The following AACS variants were observed in gnomAD, a reference collection of about 807,000 sequenced individuals.
The protein encoded by AACS is acetoacetate-CoA ligase.
In AACS, 69 loss-of-function variants were observed where a neutral mutation model predicts 83.1. That is an observed-to-expected ratio of 0.83 (90% CI 0.68 to 1.01). AACS has a LOEUF of 1.01. Ranked by LOEUF, AACS falls within the 50% of genes least tolerant of loss-of-function variation. The pLI, the probability that AACS is intolerant of heterozygous loss-of-function variation, is 0.00. For missense variants in AACS, 866 were observed against 882.2 expected, an observed-to-expected ratio of 0.98 and a Z score of 0.23; for synonymous variants, 333 against 343.4, an observed-to-expected ratio of 0.97 and a Z score of 0.33.
At position 125,114,525 on chromosome 12, in the gene AACS, A is replaced by G. The variant is rs151033668; in HGVS notation, c.964A>G (p.Thr322Ala). The G allele has an allele frequency of 1.3e-4, 217 of 1,613,460 alleles. No individual in the cohort carries two copies. In the African/African-American group the frequency reaches 2.6e-3, roughly 19 times the overall value. ...GGAGCACCTGCTGCACGGCAACATG[A>G]CCAGCAGTGACATCCTCCTGTGCTA... ...LKEHLLHGNM[T>A]SSDILLCYTT... Residue 322 changes from threonine to alanine, a missense_variant, in exon 9 of 18, where the codon ACC (threonine) becomes GCC (alanine). By Grantham distance (58) the Thr-to-Ala change is moderately conservative (BLOSUM62 0). Coordinates refer to ENST00000316519, the MANE Select transcript of AACS (RefSeq NM_023928.5).
chr12:125,118,279 T>C (rs577218851), intron 9 of AACS: 2 of 231,706 alleles, frequency 8.6e-6, no homozygotes, highest in East Asian at 2.9e-4. Context: ...CTGCTGGGGG[T>C]CAGGTGCTGT....
At position 125,116,745 on chromosome 12, in the gene AACS, A is replaced by G. The variant is rs369639319; in HGVS notation, c.997-1896A>G. Reference sequence around the variant, plus strand: ...CTCCCAAAGTGCTGGGATTACAGGCATGAGCCACCGCGCCCGGCCTCCCGA... The same window carrying G: ...CTCCCAAAGTGCTGGGATTACAGGCGTGAGCCACCGCGCCCGGCCTCCCGA... On this transcript the variant is annotated intron_variant, in intron 9 of 17. Transcript: ENST00000316519. Among the ~76,000 whole-genome samples the G allele has an allele frequency of 2.2e-4, 33 of 152,136 alleles. 1 individual carries two copies. The highest frequency in any genetic ancestry group is 7.9e-4 in the African/African-American group (33 of 41,518).
intron 3 of AACS, among the ~76,000 whole-genome samples, chr12:125,083,745 C>T (rs1792978718): frequency 6.6e-6 from 1 of 152,072 alleles, no homozygotes; most frequent in Non-Finnish European, 1.5e-5. Context: ...CCTCCGTCTC[C>T]TGGGTTCAAG....
intron 1 of AACS, among the ~76,000 whole-genome samples, chr12:125,067,497 C>T (rs1341810166): frequency 1.3e-5 from 2 of 151,962 alleles, no homozygotes; most frequent in Non-Finnish European, 2.9e-5. Context: ...CACCTTCCTC[C>T]GTGGGAAGTG....
At chr12:125,134,472 G>A (rs534085416) in intron 15 of AACS, among the ~76,000 whole-genome samples, 1 of 152,316 alleles carries the variant, frequency 6.6e-6, no homozygotes, top group South Asian at 2.1e-4. Flanking sequence ...TCCCTGCCCT[G>A]TGATGGGGTT....
chr12:125,133,121 T>G (rs1957350180), intron 14 of AACS, among the ~76,000 whole-genome samples: 1 of 152,230 alleles, frequency 6.6e-6, no homozygotes, highest in Non-Finnish European at 1.5e-5. Context: ...GATGCGCTTT[T>G]GATTACGGCC....
intron 14 of AACS, among the ~76,000 whole-genome samples, chr12:125,133,182 G>A (rs1957351029): frequency 6.6e-6 from 1 of 152,214 alleles, no homozygotes; most frequent in East Asian, 1.9e-4. Context: ...GGTGTCAGCA[G>A]GAGGAGGCCC....
chr12:125,136,544 A>T, intron 16 of AACS, 118 bp from the exon 17 acceptor site: 1 of 730,532 alleles, frequency 1.4e-6, no homozygotes, highest in South Asian at 1.8e-5. Flanking sequence ...GAACACAGGC[A>T]CCGCTGGAAG....
chr12:125,075,590 C>G (rs12317116), intron 2 of AACS, among the ~76,000 whole-genome samples: 2,985 of 147,444 alleles, frequency 0.02, 96 homozygotes, highest in African/African-American at 0.07. Flanking sequence ...CTGTGCCCAG[C>G]TGGAGTTTTT....
intron 1 of AACS, among the ~76,000 whole-genome samples, chr12:125,071,098 C>T (rs1287791773): frequency 1.3e-5 from 2 of 152,168 alleles, no homozygotes; most frequent in Admixed American, 1.3e-4. Flanking sequence ...CGCACCCGTC[C>T]CCAAGAGCTC....
chr12:125,127,948 G>A (rs912651776), intron 12 of AACS: 6 of 400,342 alleles, frequency 1.5e-5, no homozygotes, highest in South Asian at 1.3e-4. Flanking sequence ...CGGCTAAAAC[G>A]TCAATCACCA....
In AACS at chr12:125,094,246, A is replaced by G. The variant is rs893433064; in HGVS notation, c.570+2723A>G. ...TTAATTTCCATCATCACCATGTTAA[A>G]CTTCAGACTGTGCCCCATTTTCAGT... On this transcript the variant is annotated intron_variant, in intron 5 of 17. Transcript: ENST00000316519. This position sits in a 1 kb window ranked among gnomAD's most constrained non-coding sequence, Gnocchi z 4.1. Among the ~76,000 whole-genome samples the G allele has an allele frequency of 6.6e-6, 1 of 152,214 alleles. No homozygotes were observed. The highest frequency in any genetic ancestry group is 1.5e-5 in the Non-Finnish European group (1 of 68,040).
At position 125,091,517 on chromosome 12, in the gene AACS, T is replaced by C. The variant is rs753524355; in HGVS notation, c.564T>C (p.Gly188=). 6.8e-6 allele frequency: 11 copies of C among 1,614,008 alleles called. No individual in the cohort carries two copies. The highest frequency in any genetic ancestry group is 3.3e-5 in the Admixed American group (2 of 60,000). ...GGAGCTCCACGTCCCCGGACTTCGG[T>C]GTGAATGTGAGTCAGGGTCTGTGAC... ...AIWSSTSPDF[G]VNGVLDRFSQ... Residue 188 remains glycine (G), a synonymous_variant, in exon 5 of 18, where the codon GGT becomes GGC. Transcript: ENST00000316519.
intron 1 of AACS, among the ~76,000 whole-genome samples, chr12:125,068,330 G>A (rs1282909139): frequency 1.3e-5 from 2 of 152,138 alleles, no homozygotes; most frequent in African/African-American, 4.8e-5. Flanking sequence ...GTGGTGGCAT[G>A]CGCCTGTAGT....
chr12:125,094,833 G>A lies in AACS; in HGVS notation c.570+3310G>A, dbSNP rs897582230. Among the ~76,000 whole-genome samples the A allele has an allele frequency of 6.6e-6, 1 of 152,130 alleles. No individual in the cohort carries two copies. Among genetic ancestry groups the A allele is most frequent in the Non-Finnish European group, 1.5e-5 (1 of 68,010 alleles). On this transcript the variant is annotated intron_variant, in intron 5 of 17. Coordinates refer to ENST00000316519, the MANE Select transcript of AACS (RefSeq NM_023928.5). The surrounding 1 kb of genome is among the most constrained non-coding windows in gnomAD (Gnocchi z 4.1). ...TCTCTAGGTCCTGAGTCTTTTGATG[G>A]CTTTGGGTTTTTTGTTTCACTGTTT... is the stretch of plus-strand genomic sequence containing the variant.
chr12:125,137,994 CG>C (rs1565957865), intron 17 of AACS, among the ~76,000 whole-genome samples: 1 of 152,182 alleles, frequency 6.6e-6, no homozygotes, highest in Non-Finnish European at 1.5e-5. Flanking sequence ...CTTTGAAACC[CG>C]TAGATCATTC....
chr12:125,094,978 CGTGTGTGTGTGTGTGT>C lies in AACS; in HGVS notation c.570+3486_570+3501del, dbSNP rs57643228. Reference sequence around the variant, plus strand: ...TCCTCCTGAAGTGCCATCAGGTGGCCGTGTGTGTGTGTGTGTGTGTGTGTGTGTGTGTGTGTGTGTG... The same window carrying C: ...TCCTCCTGAAGTGCCATCAGGTGGCCGTGTGTGTGTGTGTGTGTGTGTGTG... On this transcript the variant is annotated intron_variant, in intron 5 of 17. Transcript: ENST00000316519. This position sits in a 1 kb window ranked among gnomAD's most constrained non-coding sequence, Gnocchi z 4.1. Among the ~76,000 whole-genome samples the C allele has an allele frequency of 0.45, 65,256 of 145,178 alleles. 14,836 individuals are homozygous for C. Among genetic ancestry groups the C allele is most frequent in the East Asian group, 0.58 (2,835 of 4,922 alleles).
intron 14 of AACS, 97 bp from the exon 15 acceptor site, chr12:125,133,906 C>T: frequency 8.0e-7 from 1 of 1,243,708 alleles, no homozygotes; most frequent in South Asian, 1.3e-5. Flanking sequence ...CCTCTGGGCC[C>T]CAGTGATGTC....
intron 7 of AACS, among the ~76,000 whole-genome samples, chr12:125,106,406 A>G (rs11058038): frequency 0.2 from 30,195 of 152,086 alleles, 4,179 homozygotes; most frequent in African/African-American, 0.38. Context: ...AAGCCTAGGC[A>G]CACTTCCTGG....
Sources: allele counts gnomAD v4.1 joint callset (sites outside exome capture counted in the v4.1 genomes callset), GRCh38; gene constraint gnomAD v4.1.1; non-coding constraint Gnocchi (gnomAD v3.1); transcripts MANE v1.5; gene names NCBI Gene and HGNC (gene_info 2026-07-23, HGNC 2026-07-21).